IGSF22: variants seen among roughly 807,000 people sequenced by gnomAD.
IGSF22 encodes the protein immunoglobulin superfamily member 22.
A neutral mutation model predicts 127.0 loss-of-function variants in IGSF22; 119 were observed. The ratio of observed to expected loss-of-function variants is 0.94; its 90% CI spans 0.81 to 1.09. The LOEUF is 1.09. IGSF22 is among the 50% of genes least tolerant of loss of function. The probability of loss-of-function intolerance (pLI) is 0.00; values close to 1 mark genes in which losing one functional copy is unlikely to be tolerated. For missense variants in IGSF22, 1,518 were observed against 1,716.6 expected, an observed-to-expected ratio of 0.88 and a Z score of 2.04; for synonymous variants, 568 against 664.7, an observed-to-expected ratio of 0.85 and a Z score of 2.24.
At chr11:18,707,776 C>T in intron 20 of IGSF22, 28 bp downstream of exon 20, 1 of 1,545,418 alleles carries the variant, frequency 6.5e-7, no homozygotes, top group East Asian at 2.4e-5. Flanking sequence ...AGGGATGGGT[C>T]TTGGAGGCCT....
chr11:18,715,824 A>T, intron 10 of IGSF22, 108 bp from the exon 11 acceptor site: 1 of 1,205,836 alleles, frequency 8.3e-7, no homozygotes, highest in Non-Finnish European at 1.2e-6. Context: ...AAACACAAGA[A>T]CTTGTGATGC....
Position 18,724,138 on chromosome 11 carries a change from C to G in IGSF22, c.99G>C (p.Lys33Asn). The change falls in exon 2 of 23, where the codon AAG (lysine) becomes AAC (asparagine). Residue 33 changes from lysine (K) to asparagine (N), a missense_variant. Physicochemically the swap from Lys to Asn is moderately conservative, Grantham distance 94. Transcript: ENST00000513874. ...CCCCATTCCACTTGCCTCCCACGAT[C>G]TTGGTTGTCTGGGAGAAGGTCTGCA... is the stretch of plus-strand genomic sequence containing the variant. Reference protein sequence around the residue: ...THVQTFSQTTKIVGEEVVRRK... With the variant: ...THVQTFSQTTNIVGEEVVRRK... The G allele has an allele frequency of 6.2e-7, 1 of 1,612,922 alleles. No individual in the cohort carries two copies. The highest frequency in any genetic ancestry group is 1.3e-5 in the African/African-American group (1 of 75,018).
intron 21 of IGSF22, chr11:18,706,450 T>C (rs112776013): frequency 1.7e-5 from 8 of 462,660 alleles, no homozygotes; most frequent in African/African-American, 9.8e-5. Flanking sequence ...ATTCCCAGCC[T>C]TTAACTCCGC....
At position 18,706,040 on chromosome 11, in the gene IGSF22, G is replaced by C; in HGVS notation, c.3687C>G (p.Asp1229Glu). The C allele has an allele frequency of 6.4e-7, 1 of 1,551,530 alleles. No homozygotes were observed. Among genetic ancestry groups the C allele is most frequent in the Non-Finnish European group, 8.7e-7 (1 of 1,146,954 alleles). ...LKPHTVLRGQ[D>E]CTMTCAFLGN... ...CAAGGAAGGCGCAGGTCATGGTGCA[G>C]TCCTGGCCGCGGAGCACCGTGTGTG... Residue 1229 changes from aspartate to glutamate, a missense_variant, in exon 22 of 23, where the codon GAC becomes GAG. By Grantham distance (45) the Asp-to-Glu change is conservative. Around this residue, in one of 3 missense-constraint regions of IGSF22, gnomAD observed 1,456 missense variants for 1,644.9 expected, o/e 0.89. Transcript: ENST00000513874.
In IGSF22 at chr11:18,714,021, G is replaced by T. The variant is rs774341661; in HGVS notation, c.1926C>A (p.Tyr642Ter). The change falls in exon 14 of 23, where the codon TAC (tyrosine) becomes TAA (stop). Residue 642 changes from tyrosine (Y) to a stop codon, truncating the protein, a stop_gained. Transcript: ENST00000513874. LOFTEE classifies it high-confidence loss of function. Reference protein sequence around the residue: ...RGKPLPKVTWYKDGMEVTEEE... With the variant: ...RGKPLPKVTW Reference sequence around the variant, plus strand: ...CCTCCGTCACTTCCATGCCATCCTTGTACCATGTCACTTTGGGCAGTGGTT... The same window carrying T: ...CCTCCGTCACTTCCATGCCATCCTTTTACCATGTCACTTTGGGCAGTGGTT... 2.5e-6 allele frequency: 4 copies of T among 1,614,264 alleles called. No homozygotes were observed. The South Asian group carries it at 4.4e-5, about 18-fold the overall frequency.
In IGSF22 at chr11:18,721,663, C is replaced by T; in HGVS notation, c.250G>A (p.Ala84Thr). 1 of 1,614,258 alleles carries T rather than the reference C, an allele frequency of 6.2e-7. No homozygotes were observed. The highest frequency in any genetic ancestry group is 8.5e-7 in the Non-Finnish European group (1 of 1,180,048). ...CCCTGCACCCGGGCTCGGAACACGG[C>T]TTTGTCCCCTGCGATGAGCACAGGA... ...QPVTAPEGDK[A>T]VFRARVQGNA... The change falls in exon 4 of 23, where the codon GCC becomes ACC. Residue 84 changes from alanine to threonine, a missense_variant. By Grantham distance (58) the Ala-to-Thr change is moderately conservative. This residue lies in a region of IGSF22 where 1,456 missense variants were observed against 1,644.9 expected (regional missense o/e 0.89). Coordinates refer to ENST00000513874, the MANE Select transcript of IGSF22 (RefSeq NM_173588.4).
At chr11:18,710,306 A>G in intron 17 of IGSF22, 21 bp downstream of exon 17, 2 of 1,611,760 alleles carry the variant, frequency 1.2e-6, no homozygotes, top group African/African-American at 1.3e-5. Context: ...ATGTGTCAGG[A>G]CCTGGCAGCC....
rs573959699 is a variant in IGSF22 at position 18,711,852 on chromosome 11, C to T, written c.2398+230G>A. 3.3e-5 allele frequency among the ~76,000 whole-genome samples: 5 copies of T among 152,332 alleles called. No individual in the cohort carries two copies. The South Asian group carries it at 1.0e-3, about 32-fold the overall frequency. On this transcript the variant is annotated intron_variant, in intron 15 of 22. Transcript: ENST00000513874. ...GTGGAGTCAGTTCCCCAAAGTTGTG[C>T]ACGTCCTGGGTATACCCATGGGAGT...
chr11:18,710,597 G>C (rs1232858618), intron 16 of IGSF22, 58 bp downstream of exon 16: 2 of 1,585,034 alleles, frequency 1.3e-6, no homozygotes, highest in East Asian at 4.5e-5. Flanking sequence ...GTAGTTAATG[G>C]GTCCACTCAG....
Position 18,716,641 on chromosome 11 carries a change from G to A in IGSF22, c.1246+87C>T. The stretch of plus-strand genomic sequence containing the variant: ...GGGCTTTGCAAAAAGGAGATGGATG[G>A]ATAGATGGATATATAAATGATGACT... On this transcript the variant is annotated intron_variant, in intron 10 of 22. Transcript: ENST00000513874. The surrounding 1 kb of genome is among the most constrained non-coding windows in gnomAD (Gnocchi z 4.5). 7.3e-7 allele frequency: 1 copy of A among 1,371,574 alleles called. No individual in the cohort carries two copies. The highest frequency in any genetic ancestry group is 1.4e-5 in the African/African-American group (1 of 70,064). 85.0% of individuals were successfully genotyped at this position (1,371,574 alleles called of 1,614,324 possible). A position where few individuals can be genotyped will look rare whatever the true frequency, so the allele number is the denominator to read the frequency against.
At chr11:18,704,860 T>C (rs1848191642) in intron 22 of IGSF22, 1 of 306,382 alleles carries the variant, frequency 3.3e-6, no homozygotes, top group African/African-American at 2.1e-5. Flanking sequence ...TTTGCTGTGC[T>C]TACAAGCAGA....
rs1480344517 is a variant in IGSF22, at chr11:18,720,252, A to G, written c.412T>C (p.Tyr138His). 5.0e-6 allele frequency: 8 copies of G among 1,614,052 alleles called. No individual in the cohort carries two copies. The highest frequency in any genetic ancestry group is 6.8e-6 in the Non-Finnish European group (8 of 1,180,022). The change falls in exon 5 of 23, where the codon TAT becomes CAT. Residue 138 changes from tyrosine to histidine, a missense_variant. By Grantham distance (83) the Tyr-to-His change is moderately conservative. This residue lies in a region of IGSF22 where 1,456 missense variants were observed against 1,644.9 expected (regional missense o/e 0.89). Transcript: ENST00000513874. ...EPLTSDDSDN[Y>H]KCIASNDHAD... is the part of the protein sequence containing the mutation. ...TGGTCATTGCTTGCAATGCACTTATAGTTGTCAGAGTCATCCGAAGTCAGT... is the reference window on the plus strand; with the variant it reads ...TGGTCATTGCTTGCAATGCACTTATGGTTGTCAGAGTCATCCGAAGTCAGT...
chr11:18,709,324 C>CA lies in IGSF22; in HGVS notation c.2998+62dup. ...CCAATTTTCCTGTGGGATGAGGCCC[C>CA]AGAGGAGAAGGTTTGGAGGTACAAT... On this transcript the variant is annotated intron_variant, in intron 18 of 22. Transcript: ENST00000513874. This position sits in a 1 kb window ranked among gnomAD's most constrained non-coding sequence, Gnocchi z 4.8. 2 of 1,518,664 alleles carry CA rather than the reference C, an allele frequency of 1.3e-6. No homozygotes were observed. Among genetic ancestry groups the CA allele is most frequent in the East Asian group, 4.5e-5 (2 of 44,156 alleles). The allele number at this position is 1,518,664 out of a possible 1,614,324, so 94.1% of individuals were successfully genotyped here.
At chr11:18,714,712 A>G in intron 11 of IGSF22, 88 bp from the exon 12 acceptor site, 1 of 1,528,252 alleles carries the variant, frequency 6.5e-7, no homozygotes, top group Non-Finnish European at 8.8e-7. Context: ...TGGTCATGGG[A>G]CTGGTCAGGG....
intron 18 of IGSF22, 52 bp from the exon 19 acceptor site, chr11:18,708,347 T>C (rs1848287716): frequency 1.4e-6 from 2 of 1,426,352 alleles, no homozygotes; most frequent in Non-Finnish European, 1.9e-6. Context: ...TCAAGAAGAC[T>C]CTGCTTTAAG....
intron 4 of IGSF22, among the ~76,000 whole-genome samples, chr11:18,721,262 C>A (rs1271899334): frequency 6.6e-6 from 1 of 152,242 alleles, no homozygotes; most frequent in Admixed American, 6.5e-5. Flanking sequence ...CCCTTCGCTT[C>A]CATTGCGTCC....
chr11:18,717,115 A>C, intron 9 of IGSF22, 115 bp from the exon 10 acceptor site: 2 of 1,171,592 alleles, frequency 1.7e-6, no homozygotes, highest in Non-Finnish European at 2.4e-6. Context: ...GGGGGAAAGC[A>C]CCCTGCCTTT....
At chr11:18,710,567 T>C in intron 16 of IGSF22, 88 bp downstream of exon 16, 4 of 1,583,156 alleles carry the variant, frequency 2.5e-6, no homozygotes, top group Non-Finnish European at 2.6e-6. Context: ...TCCAGAAGAG[T>C]TGGATGAGGG....
intron 7 of IGSF22, among the ~76,000 whole-genome samples, chr11:18,719,313 TTTTTTTG>T (rs1361362715): frequency 1.5e-4 from 21 of 136,606 alleles, no homozygotes; most frequent in Non-Finnish European, 2.2e-4. Context: ...CCCAGCGGTT[TTTTTTTG>T]TTTTTTTTTG....
Sources: allele counts gnomAD v4.1 joint callset (sites outside exome capture counted in the v4.1 genomes callset), GRCh38; gene constraint gnomAD v4.1.1; regional missense constraint gnomAD v4.1.1; non-coding constraint Gnocchi (gnomAD v3.1); transcripts MANE v1.5; gene names NCBI Gene and HGNC (gene_info 2026-07-23, HGNC 2026-07-21).